The following LRRC4C variants were observed in gnomAD, a reference collection of about 807,000 sequenced individuals.
The protein encoded by LRRC4C is leucine-rich repeat-containing protein 4C.
In LRRC4C, 5 loss-of-function variants were observed where a neutral mutation model predicts 33.6. The ratio of observed to expected loss-of-function variants is 0.15; its 90% CI spans 0.08 to 0.31. LRRC4C has a LOEUF of 0.31. Ranked by LOEUF, LRRC4C falls within the 10% of genes least tolerant of loss-of-function variation. The pLI, the probability that LRRC4C is intolerant of heterozygous loss-of-function variation, is 1.00. For missense variants in LRRC4C, 560 were observed against 796.7 expected (o/e 0.70, Z 3.58); for synonymous variants, 329 against 302.0 (o/e 1.09, Z -0.93).
rs1280169837 is a variant in LRRC4C, at chr11:41,123,256, GTTTTGTTTTTTT to G, written c.-495-189545_-495-189534del. On this transcript the variant is annotated intron_variant, in intron 1 of 6. Coordinates refer to ENST00000528697, the MANE Select transcript of LRRC4C (RefSeq NM_001258419.2). ...AAATGCTTTCTCTATCCTGAGCTAT[GTTTTGTTTTTTT>G]TTTTTTTTTTTTTTTTTTTTTTGAG... Among the ~76,000 whole-genome samples the G allele has an allele frequency of 1.3e-3, 134 of 107,136 alleles. 7 individuals carry two copies. Among genetic ancestry groups the G allele is most frequent in the Non-Finnish European group, 1.9e-3 (103 of 54,128 alleles). 70.3% of individuals were successfully genotyped at this position (107,136 alleles called of 152,430 possible).
chr11:40,132,930 T>C (rs1590466047), intron 6 of LRRC4C, among the ~76,000 whole-genome samples: 1 of 152,204 alleles, frequency 6.6e-6, no homozygotes, highest in East Asian at 1.9e-4. Flanking sequence ...TCAAAATATG[T>C]AGAAAATTAT....
At chr11:40,332,597 G>A (rs1745887525) in intron 3 of LRRC4C, among the ~76,000 whole-genome samples, 1 of 152,124 alleles carries the variant, frequency 6.6e-6, no homozygotes, top group Admixed American at 6.5e-5. Flanking sequence ...TGTAAATTAA[G>A]GTATCTAATT....
intron 3 of LRRC4C, among the ~76,000 whole-genome samples, chr11:40,597,278 A>G (rs1236363224): frequency 1.3e-5 from 2 of 152,154 alleles, no homozygotes; most frequent in African/African-American, 4.8e-5. Context: ...AAATTAAGCT[A>G]TAGACAATAG....
chr11:40,530,275 A>T (rs957879377), intron 3 of LRRC4C, among the ~76,000 whole-genome samples: 1 of 152,124 alleles, frequency 6.6e-6, no homozygotes, highest in Non-Finnish European at 1.5e-5. Context: ...AATCATTCAG[A>T]AATATTGGCC....
At chr11:41,338,640 C>T (rs1951531543) in intron 1 of LRRC4C, among the ~76,000 whole-genome samples, 2 of 151,874 alleles carry the variant, frequency 1.3e-5, no homozygotes, top group African/African-American at 2.4e-5. Flanking sequence ...ACCACCATGG[C>T]GCATGTATGC....
chr11:40,920,234 T>C (rs1414702434), intron 2 of LRRC4C, among the ~76,000 whole-genome samples: 2 of 152,160 alleles, frequency 1.3e-5, no homozygotes, highest in African/African-American at 4.8e-5. Context: ...TAAAGACACC[T>C]TTCAAATACT....
intron 1 of LRRC4C, among the ~76,000 whole-genome samples, chr11:41,434,808 C>A (rs1955370668): frequency 6.6e-6 from 1 of 152,142 alleles, no homozygotes; most frequent in South Asian, 2.1e-4. Flanking sequence ...CAGATCTGTT[C>A]AGCTGTGGCT....
At chr11:40,143,434 G>T (rs189069939) in intron 5 of LRRC4C, among the ~76,000 whole-genome samples, 2 of 151,730 alleles carry the variant, frequency 1.3e-5, no homozygotes, top group Admixed American at 1.3e-4. Flanking sequence ...TACAACAATC[G>T]TTCATATTCA....
chr11:40,782,748 A>C (rs1045611834), intron 2 of LRRC4C, among the ~76,000 whole-genome samples: 1 of 152,184 alleles, frequency 6.6e-6, no homozygotes, highest in Non-Finnish European at 1.5e-5. Flanking sequence ...TATTCATGAG[A>C]TATTACTCAA....
At chr11:40,633,029 C>T (rs1207829914) in intron 3 of LRRC4C, among the ~76,000 whole-genome samples, 6 of 152,194 alleles carry the variant, frequency 3.9e-5, no homozygotes, top group African/African-American at 1.4e-4. Context: ...TTTTTCTTAA[C>T]CATTTTATGT....
intron 1 of LRRC4C, among the ~76,000 whole-genome samples, chr11:41,103,531 A>C (rs1311321490): frequency 1.3e-5 from 2 of 151,946 alleles, no homozygotes; most frequent in Admixed American, 6.6e-5. Context: ...GCAACATACC[A>C]ACTGGTATAG....
chr11:40,990,841 A>G (rs1283471163), intron 1 of LRRC4C, among the ~76,000 whole-genome samples: 2 of 152,142 alleles, frequency 1.3e-5, no homozygotes, highest in Non-Finnish European at 2.9e-5. Flanking sequence ...CTTTGAATAT[A>G]CATTTTTTTA....
chr11:41,290,930 C>T lies in LRRC4C; in HGVS notation c.-496+168501G>A, dbSNP rs117751614. On this transcript the variant is annotated intron_variant, in intron 1 of 6. Coordinates refer to ENST00000528697, the MANE Select transcript of LRRC4C (RefSeq NM_001258419.2). ...AAATTATTTCTGCTATCTTAAGTGA[C>T]GAGGGATGTGGAAAATTCCAGAACA... Among the ~76,000 whole-genome samples the T allele has an allele frequency of 7.7e-3, 1,166 of 152,160 alleles. 7 individuals carry two copies. The highest frequency in any genetic ancestry group is 0.014 in the Middle Eastern group (4 of 294).
At chr11:40,302,817 C>T (rs1006254128) in intron 4 of LRRC4C, among the ~76,000 whole-genome samples, 3 of 152,088 alleles carry the variant, frequency 2.0e-5, no homozygotes, top group African/African-American at 7.2e-5. Flanking sequence ...AGGGTGTATG[C>T]TTGATCCAAG....
At chr11:40,202,146 A>G (rs2135736303) in intron 5 of LRRC4C, among the ~76,000 whole-genome samples, 1 of 150,584 alleles carries the variant, frequency 6.6e-6, no homozygotes, top group Admixed American at 6.6e-5. Flanking sequence ...AAGGAAAACA[A>G]CACTTGGGAA....
chr11:40,619,877 C>T (rs374472489), intron 3 of LRRC4C, among the ~76,000 whole-genome samples: 31 of 151,110 alleles, frequency 2.1e-4, no homozygotes, highest in East Asian at 1.6e-3. Flanking sequence ...CAGAGACTGT[C>T]AAGCTATGTT....
intron 2 of LRRC4C, among the ~76,000 whole-genome samples, chr11:40,722,615 C>T (rs1395740552): frequency 6.6e-6 from 1 of 152,066 alleles, no homozygotes; most frequent in Non-Finnish European, 1.5e-5. Context: ...TTCTGACTGA[C>T]AACAAATTTA....
intron 2 of LRRC4C, among the ~76,000 whole-genome samples, chr11:40,763,178 A>T (rs1238130562): frequency 6.6e-6 from 1 of 151,220 alleles, no homozygotes; most frequent in African/African-American, 2.4e-5. Flanking sequence ...ATATTGTGGG[A>T]ACTTAGATGT....
At chr11:40,288,738 G>A (rs140672178) in intron 4 of LRRC4C, among the ~76,000 whole-genome samples, 54 of 152,210 alleles carry the variant, frequency 3.5e-4, no homozygotes, top group Middle Eastern at 3.4e-3. Context: ...AATGAACACA[G>A]CATTCATTTT....
Sources: gnomAD v4.1 joint callset for allele counts (sites outside exome capture counted in the v4.1 genomes callset) on GRCh38, gnomAD v4.1.1 for gene constraint, MANE v1.5 for transcripts, NCBI Gene and HGNC (gene_info 2026-07-23, HGNC 2026-07-21) for gene names.